The following AGBL1 variants were observed in gnomAD, a reference collection of about 807,000 sequenced individuals.
The protein encoded by AGBL1 is cytosolic carboxypeptidase 4.
AGBL1 carries 130 observed loss-of-function variants against 118.9 expected under a neutral mutation model. The ratio of observed to expected loss-of-function variants is 1.09; its 90% CI spans 0.95 to 1.26. The LOEUF is 1.26. AGBL1 is among the 50% of genes most tolerant of loss of function. The pLI is 0.00. For synonymous variants in AGBL1, 555 were observed against 478.9 expected, an observed-to-expected ratio of 1.16 and a Z score of -2.08; for missense variants, 1,584 against 1,298.1, an observed-to-expected ratio of 1.22 and a Z score of -3.38.
chr15:86,235,528 A>C (rs988603442), intron 6 of AGBL1, among the ~76,000 whole-genome samples: 1 of 152,220 alleles, frequency 6.6e-6, no homozygotes, highest in African/African-American at 2.4e-5. Context: ...GGAGATAGAG[A>C]AAAATATAAA....
chr15:86,967,036 T>G (rs1292505445), intron 23 of AGBL1, among the ~76,000 whole-genome samples: 1 of 152,174 alleles, frequency 6.6e-6, no homozygotes, highest in Non-Finnish European at 1.5e-5. Context: ...TGTGAGATGG[T>G]ATGTCGTTGT....
intron 19 of AGBL1, among the ~76,000 whole-genome samples, chr15:86,542,121 A>G (rs960663476): frequency 3.3e-5 from 5 of 152,210 alleles, no homozygotes; most frequent in African/African-American, 1.2e-4. Context: ...TGTGCTCAAC[A>G]ATAGTCTACA....
intron 18 of AGBL1, among the ~76,000 whole-genome samples, chr15:86,426,473 C>T (rs1451918271): frequency 6.6e-6 from 1 of 152,182 alleles, no homozygotes. Context: ...TTCATTCACA[C>T]AGGGACAATG....
chr15:86,110,494 C>T (rs1443026147), intron 1 of AGBL1, among the ~76,000 whole-genome samples: 1 of 151,998 alleles, frequency 6.6e-6, no homozygotes, highest in Non-Finnish European at 1.5e-5. Flanking sequence ...CTCATCTTTA[C>T]TTTGAGTAGG....
intron 22 of AGBL1, among the ~76,000 whole-genome samples, chr15:86,906,729 T>C (rs1339277958): frequency 1.3e-5 from 2 of 152,128 alleles, no homozygotes; most frequent in Non-Finnish European, 2.9e-5. Context: ...TGTGAGGCTG[T>C]GCACATCTTC....
chr15:86,927,945 T>TATAC (rs925003647), intron 23 of AGBL1, among the ~76,000 whole-genome samples: 5 of 151,884 alleles, frequency 3.3e-5, no homozygotes, highest in African/African-American at 9.7e-5. Flanking sequence ...CATATATATA[T>TATAC]ATAAAATGTG....
intron 22 of AGBL1, among the ~76,000 whole-genome samples, chr15:86,811,288 G>T (rs1436357131): frequency 6.6e-6 from 1 of 152,070 alleles, no homozygotes; most frequent in South Asian, 2.1e-4. Flanking sequence ...ATATCACTCT[G>T]GTAAAATAAA....
At chr15:86,919,890 G>A (rs2080467785), downstream of AGBL1, among the ~76,000 whole-genome samples, 1 of 152,180 alleles carries the variant, frequency 6.6e-6, no homozygotes, top group Admixed American at 6.5e-5. Context: ...CAAGGGAGAA[G>A]GAGTAGGCAG....
At chr15:86,191,155 C>T (rs1210605976) in intron 5 of AGBL1, among the ~76,000 whole-genome samples, 1 of 148,738 alleles carries the variant, frequency 6.7e-6, no homozygotes, top group Non-Finnish European at 1.5e-5. Flanking sequence ...TCCAGCCTGG[C>T]AACATGGTGA....
At chr15:86,212,646 T>C (rs1359479065) in intron 5 of AGBL1, among the ~76,000 whole-genome samples, 1 of 150,660 alleles carries the variant, frequency 6.6e-6, no homozygotes, top group African/African-American at 2.4e-5. Context: ...GGATTGACAG[T>C]TATTTTTATT....
intron 21 of AGBL1, among the ~76,000 whole-genome samples, chr15:86,598,527 C>G (rs553866549): frequency 6.6e-6 from 1 of 152,202 alleles, no homozygotes; most frequent in South Asian, 2.1e-4. Flanking sequence ...GGATGTAGAG[C>G]AATGCAATTG....
intron 22 of AGBL1, among the ~76,000 whole-genome samples, chr15:86,901,950 T>C (rs1025237350): frequency 2.6e-5 from 4 of 152,114 alleles, no homozygotes; most frequent in African/African-American, 9.7e-5. Context: ...TAATAATACA[T>C]TTATTCTTGT....
At chr15:86,478,959 C>T (rs1003415063) in intron 18 of AGBL1, among the ~76,000 whole-genome samples, 3 of 152,094 alleles carry the variant, frequency 2.0e-5, no homozygotes, top group African/African-American at 2.4e-5. Context: ...CTTTGACAAA[C>T]CTGACAAAAG....
intron 18 of AGBL1, among the ~76,000 whole-genome samples, chr15:86,419,093 C>T: frequency 6.6e-6 from 1 of 151,814 alleles, no homozygotes; most frequent in Non-Finnish European, 1.5e-5. Context: ...AAGATATGTC[C>T]TGCATATCTT....
chr15:86,929,032 GTC>G (rs2141632313), intron 23 of AGBL1, among the ~76,000 whole-genome samples: 1 of 151,606 alleles, frequency 6.6e-6, no homozygotes, highest in South Asian at 2.1e-4. Context: ...CAAACTCCCT[GTC>G]TCTCTGAGAC....
intron 21 of AGBL1, among the ~76,000 whole-genome samples, chr15:86,560,631 T>C (rs138704328): frequency 2.1e-4 from 32 of 152,370 alleles, no homozygotes; most frequent in African/African-American, 2.6e-4. Flanking sequence ...GCAGCAGGAT[T>C]TATAATCCTT....
chr15:86,172,342 G>A (rs2077427450), intron 5 of AGBL1, among the ~76,000 whole-genome samples: 1 of 152,050 alleles, frequency 6.6e-6, no homozygotes, highest in Non-Finnish European at 1.5e-5. Context: ...CCATCACCTT[G>A]GGCAGTTATC....
At chr15:86,292,954 G>T (rs1191674515) in intron 16 of AGBL1, among the ~76,000 whole-genome samples, 1 of 152,220 alleles carries the variant, frequency 6.6e-6, no homozygotes, top group African/African-American at 2.4e-5. Flanking sequence ...GTGGGTAAAT[G>T]ATTTTGGTTC....
At chr15:86,110,857 TA>T (rs1897337555) in intron 1 of AGBL1, among the ~76,000 whole-genome samples, 1 of 152,136 alleles carries the variant, frequency 6.6e-6, no homozygotes, top group African/African-American at 2.4e-5. Flanking sequence ...GTTCCTGCAT[TA>T]AATACCATCC....
Sources: gnomAD v4.1 joint callset for allele counts (sites outside exome capture counted in the v4.1 genomes callset) on GRCh38, gnomAD v4.1.1 for gene constraint, MANE v1.5 for transcripts, NCBI Gene and HGNC (gene_info 2026-07-23, HGNC 2026-07-21) for gene names.